Variants in TTLL11 observed in about 807,000 individuals in gnomAD.
TTLL11 encodes the protein tubulin tyrosine ligase like 11, also known as tubulin polyglutamylase TTLL11.
Under a neutral mutation model 51.7 loss-of-function variants are expected in TTLL11, and 42 were observed. The ratio of observed to expected loss-of-function variants is 0.81; its 90% CI spans 0.64 to 1.05. The LOEUF is 1.05. Among genes scored for constraint, TTLL11 ranks in the 50% least tolerant of loss-of-function variants. The probability of loss-of-function intolerance (pLI) is 0.00; values close to 1 mark genes in which losing one functional copy is unlikely to be tolerated. For synonymous variants in TTLL11, 381 were observed against 383.5 expected, an observed-to-expected ratio of 0.99 and a Z score of 0.08; for missense variants, 799 against 940.4, an observed-to-expected ratio of 0.85 and a Z score of 1.97.
chr9:122,090,735 G>A (rs1397431673), intron 1 of TTLL11, among the ~76,000 whole-genome samples: 1 of 152,168 alleles, frequency 6.6e-6, no homozygotes, highest in Non-Finnish European at 1.5e-5. Context: ...TGCCCTCATG[G>A]AGCTTACATT....
intron 6 of TTLL11, among the ~76,000 whole-genome samples, chr9:121,957,928 G>C (rs540070867): frequency 6.6e-6 from 1 of 152,196 alleles, no homozygotes; most frequent in South Asian, 2.1e-4. Flanking sequence ...GGAGGCTAAC[G>C]CTTCAGTTTG....
At chr9:121,917,272 C>T (rs1040887859) in intron 6 of TTLL11, among the ~76,000 whole-genome samples, 7 of 151,410 alleles carry the variant, frequency 4.6e-5, no homozygotes, top group Admixed American at 1.3e-4. Context: ...AGTTCGAGAC[C>T]GCCTAGGCAA....
intron 3 of TTLL11, among the ~76,000 whole-genome samples, chr9:122,026,568 G>C (rs1019220443): frequency 1.3e-5 from 2 of 151,948 alleles, no homozygotes; most frequent in African/African-American, 4.8e-5. Flanking sequence ...TATATGAAAT[G>C]TATAAAACTG....
At chr9:121,831,085 T>A (rs1006860861) in intron 8 of TTLL11, among the ~76,000 whole-genome samples, 5 of 152,164 alleles carry the variant, frequency 3.3e-5, no homozygotes, top group African/African-American at 1.2e-4. Flanking sequence ...TTGCCCATGG[T>A]TGGATGTGGG....
At chr9:121,860,842 G>A (rs1391167873) in intron 7 of TTLL11, among the ~76,000 whole-genome samples, 8 of 152,216 alleles carry the variant, frequency 5.3e-5, no homozygotes, top group African/African-American at 1.9e-4. Context: ...CACTGAGGCT[G>A]TGGCATTTTT....
chr9:121,826,710 T>C (rs1668475122), intron 8 of TTLL11, among the ~76,000 whole-genome samples: 1 of 151,406 alleles, frequency 6.6e-6, no homozygotes. Flanking sequence ...TGCCTGAGGA[T>C]GGAAACGGTA....
chr9:121,893,875 G>C (rs573654307), intron 6 of TTLL11, among the ~76,000 whole-genome samples: 30 of 152,318 alleles, frequency 2.0e-4, no homozygotes, highest in African/African-American at 7.0e-4. Flanking sequence ...AAATCAGAAA[G>C]CACAATGAAC....
At chr9:121,951,313 C>G (rs1378730314) in intron 6 of TTLL11, among the ~76,000 whole-genome samples, 1 of 152,088 alleles carries the variant, frequency 6.6e-6, no homozygotes, top group African/African-American at 2.4e-5. Flanking sequence ...TTTGTAAGAG[C>G]TGACAGAAAA....
intron 6 of TTLL11, among the ~76,000 whole-genome samples, chr9:121,907,576 C>T (rs1839989401): frequency 6.6e-6 from 1 of 152,106 alleles, no homozygotes; most frequent in African/African-American, 2.4e-5. Context: ...AATCAGAGAG[C>T]ACCACCTTTA....
intron 8 of TTLL11, among the ~76,000 whole-genome samples, chr9:121,854,687 G>C (rs1837760917): frequency 6.6e-6 from 1 of 152,094 alleles, no homozygotes; most frequent in South Asian, 2.1e-4. Context: ...TCTTACCACG[G>C]AGATGTGAAA....
chr9:121,915,511 G>T (rs1265587546), intron 6 of TTLL11, among the ~76,000 whole-genome samples: 1 of 152,170 alleles, frequency 6.6e-6, no homozygotes, highest in Admixed American at 6.5e-5. Flanking sequence ...TAATTGCTTA[G>T]ATAGATGCCT....
chr9:121,950,656 G>C (rs1841824277), intron 6 of TTLL11, among the ~76,000 whole-genome samples: 1 of 152,114 alleles, frequency 6.6e-6, no homozygotes, highest in East Asian at 1.9e-4. Context: ...CGAAAAATGT[G>C]GTCTGGGGTG....
chr9:122,055,203 G>GGATAGATAGATAGATAGATAGATAGATA (rs1222958113), intron 1 of TTLL11, among the ~76,000 whole-genome samples: 6 of 144,652 alleles, frequency 4.1e-5, no homozygotes, highest in African/African-American at 7.8e-5. Flanking sequence ...AGGACTAATA[G>GGATAGATAGATAGATAGATAGATAGATA]GATAGATAGA....
chr9:122,043,722 T>TA (rs374925930), intron 1 of TTLL11, among the ~76,000 whole-genome samples: 1 of 151,942 alleles, frequency 6.6e-6, no homozygotes. Context: ...AGATAAAAAT[T>TA]AAAAACTTTT....
At chr9:121,876,852 T>C (rs1227406821) in intron 6 of TTLL11, among the ~76,000 whole-genome samples, 1 of 152,140 alleles carries the variant, frequency 6.6e-6, no homozygotes, top group Admixed American at 6.5e-5. Flanking sequence ...AAACTCTGAG[T>C]GGGCTGGGCA....
chr9:122,025,556 G>A (rs965819838), intron 3 of TTLL11, among the ~76,000 whole-genome samples: 2 of 152,172 alleles, frequency 1.3e-5, no homozygotes, highest in Non-Finnish European at 2.9e-5. Flanking sequence ...GGAGATGGAG[G>A]CTGCAGTGAG....
intron 8 of TTLL11, among the ~76,000 whole-genome samples, chr9:121,854,254 G>C (rs1837751450): frequency 6.6e-6 from 1 of 152,152 alleles, no homozygotes; most frequent in Non-Finnish European, 1.5e-5. Flanking sequence ...CAGGAGGCAG[G>C]CATGTAGCTC....
At chr9:121,962,745 C>T (rs781255040) in intron 6 of TTLL11, among the ~76,000 whole-genome samples, 3 of 152,240 alleles carry the variant, frequency 2.0e-5, no homozygotes, top group Non-Finnish European at 2.9e-5. Flanking sequence ...AGTCACTCTT[C>T]TTTGTACATT....
At position 122,039,861 on chromosome 9, in the gene TTLL11, A is replaced by ATCTC. The variant is rs145587739; in HGVS notation, c.463-497_463-494dup. Among the ~76,000 whole-genome samples the ATCTC allele has an allele frequency of 4.1e-4, 60 of 147,722 alleles. No individual in the cohort carries two copies. In the South Asian group the frequency reaches 5.7e-3, roughly 14 times the overall value. On this transcript the variant is annotated intron_variant, in intron 1 of 8. Transcript: ENST00000321582. ...AAGCTTTCAGAGTCCCTCTTCCCTT[A>ATCTC]TCTCTCTCTCTCTCTCTCTCTCTCT...
Sources: gnomAD v4.1 joint callset for allele counts (sites outside exome capture counted in the v4.1 genomes callset) on GRCh38, gnomAD v4.1.1 for gene constraint, MANE v1.5 for transcripts, NCBI Gene and HGNC (gene_info 2026-07-23, HGNC 2026-07-21) for gene names.